The following SRSF5 variants were observed in gnomAD, a reference collection of about 807,000 sequenced individuals.
SRSF5 encodes serine/arginine-rich splicing factor 5.
A neutral mutation model predicts 34.0 loss-of-function variants in SRSF5; 5 were observed. The observed-to-expected ratio is 0.15, with a 90% confidence interval of 0.08 to 0.31. SRSF5 has a LOEUF of 0.31. Ranked by LOEUF, SRSF5 falls within the 10% of genes least tolerant of loss-of-function variation. The probability of loss-of-function intolerance (pLI) is 1.00; values close to 1 mark genes in which losing one functional copy is unlikely to be tolerated. For synonymous variants in SRSF5, 164 were observed against 117.7 expected, an observed-to-expected ratio of 1.39 and a Z score of -2.55; for missense variants, 223 against 351.4, an observed-to-expected ratio of 0.63 and a Z score of 2.92.
At chr14:69,769,926 C>T (rs1373336522) in intron 5 of SRSF5, 7 of 1,094,756 alleles carry the variant, frequency 6.4e-6, no homozygotes, top group Non-Finnish European at 7.8e-6. Context: ...AGGCTTCCAT[C>T]GATTGGGTAG....
At chr14:69,769,786 A>G in intron 5 of SRSF5, 1 of 1,353,812 alleles carries the variant, frequency 7.4e-7, no homozygotes, top group Non-Finnish European at 9.5e-7. Flanking sequence ...CCGGTCGAAA[A>G]GAGTTGAAAG....
chr14:69,767,668 C>G (rs1019069607), intron 1 of SRSF5: 3 of 368,670 alleles, frequency 8.1e-6, no homozygotes, highest in African/African-American at 6.4e-5. Flanking sequence ...GCCTTTGATT[C>G]CACCGCCGCC....
At position 69,768,681 on chromosome 14, in the gene SRSF5, T is replaced by G. The variant is rs1289487551; in HGVS notation, c.197+7T>G. ...AAGAACTCTGTAGTGAAAGGTGAGA[T>G]TCCTGTGTAACTAGATAACCCTGGG... is the stretch of plus-strand genomic sequence containing the variant. On this transcript the variant is annotated splice_region_variant and intron_variant, in intron 3 of 7. Coordinates refer to ENST00000557154, the MANE Select transcript of SRSF5 (RefSeq NM_001320214.2). The G allele has an allele frequency of 6.2e-7, 1 of 1,613,926 alleles. No individual in the cohort carries two copies. The highest frequency in any genetic ancestry group is 1.3e-5 in the African/African-American group (1 of 74,932).
intron 4 of SRSF5, 122 bp from the exon 5 acceptor site, chr14:69,769,060 A>C: frequency 4.5e-6 from 6 of 1,336,550 alleles, no homozygotes; most frequent in Non-Finnish European, 6.4e-6. Flanking sequence ...CATAGAACAC[A>C]AATCTATTGA....
In SRSF5 at chr14:69,771,860, C is replaced by T. The variant is rs1802832; in HGVS notation, c.*399C>T. On this transcript the variant is annotated 3_prime_UTR_variant, in exon 8 of 8. Transcript: ENST00000557154. ...TTAAACTAATTAATAGCTTTGGACACTTAAAAGAGCTCTAAATTTGCTTGT... is the reference window on the plus strand; with the variant it reads ...TTAAACTAATTAATAGCTTTGGACATTTAAAAGAGCTCTAAATTTGCTTGT... 1 of 174,510 alleles carries T rather than the reference C, an allele frequency of 5.7e-6. No homozygotes were observed. The highest frequency in any genetic ancestry group is 1.2e-5 in the Non-Finnish European group (1 of 81,440). The allele number at this position is 174,510 out of a possible 1,614,324, so 10.8% of individuals were successfully genotyped here.
intron 1 of SRSF5, 119 bp downstream of exon 1, chr14:69,767,374 A>G: frequency 2.2e-6 from 1 of 455,464 alleles, no homozygotes; most frequent in South Asian, 1.5e-5. Flanking sequence ...AGCGCAGTTG[A>G]TTCGAGGTGG....
chr14:69,768,058 G>T, intron 1 of SRSF5, 80 bp from the exon 2 acceptor site: 1 of 1,492,254 alleles, frequency 6.7e-7, no homozygotes, highest in Non-Finnish European at 9.2e-7. Context: ...ATTTTATGCC[G>T]TTGATGTTTT....
At chr14:69,768,021 T>G (rs1026770673) in intron 1 of SRSF5, 117 bp from the exon 2 acceptor site, 3 of 1,187,648 alleles carry the variant, frequency 2.5e-6, no homozygotes, top group Non-Finnish European at 2.4e-6. Context: ...CTGTTGGCAA[T>G]CTCGTTCATA....
Position 69,771,182 on chromosome 14 carries a change from C to A in SRSF5, c.552-12C>A. The A allele has an allele frequency of 6.2e-7, 1 of 1,613,734 alleles. No homozygotes were observed. The highest frequency in any genetic ancestry group is 8.5e-7 in the Non-Finnish European group (1 of 1,179,816). ...AGTCTTATCTAGGCTGATTTCTTTT[C>A]ATTTTTCATAGTAGGTCAAGAAGCA... On this transcript the variant is annotated splice_polypyrimidine_tract_variant and intron_variant, in intron 7 of 7. Coordinates refer to ENST00000557154, the MANE Select transcript of SRSF5 (RefSeq NM_001320214.2).
At chr14:69,769,332 T>A in intron 5 of SRSF5, 81 bp downstream of exon 5, 1 of 1,562,400 alleles carries the variant, frequency 6.4e-7, no homozygotes. Context: ...TATTGTTTTA[T>A]TAAAAGTAGT....
At chr14:69,767,765 C>G in intron 1 of SRSF5, 1 of 351,690 alleles carries the variant, frequency 2.8e-6, no homozygotes, top group East Asian at 7.9e-5. Context: ...CCCGCTGTGA[C>G]GCGCCCGCGA....
Position 69,770,463 on chromosome 14 carries a change from T to C in SRSF5, c.367-4T>C. 6.2e-7 allele frequency: 1 copy of C among 1,613,902 alleles called. No individual in the cohort carries two copies. Among genetic ancestry groups the C allele is most frequent in the South Asian group, 1.1e-5 (1 of 91,000 alleles). ...TTTGCTTAACACAATTATCTTGTGTTAAGGATCTCAAAGATTTCATGAGAC... is the reference window on the plus strand; with the variant it reads ...TTTGCTTAACACAATTATCTTGTGTCAAGGATCTCAAAGATTTCATGAGAC... On this transcript the variant is annotated splice_region_variant and splice_polypyrimidine_tract_variant and intron_variant, in intron 5 of 7. Coordinates refer to ENST00000557154, the MANE Select transcript of SRSF5 (RefSeq NM_001320214.2).
chr14:69,768,823 C>A lies in SRSF5; in HGVS notation c.223C>A (p.Arg75=). The change falls in exon 4 of 8, where the codon CGG becomes AGG. Residue 75 remains arginine, a synonymous_variant. Coordinates refer to ENST00000557154, the MANE Select transcript of SRSF5 (RefSeq NM_001320214.2). The stretch of plus-strand genomic sequence containing the variant: ...GGTTACTATTGAACATGCTAGGGCT[C>A]GGTCACGAGGTGGAAGAGGTAGAGG... ...ERVTIEHARA[R]SRGGRGRGRY... is the part of the protein sequence containing the mutation. The A allele has an allele frequency of 6.2e-7, 1 of 1,614,120 alleles. No homozygotes were observed. The highest frequency in any genetic ancestry group is 8.5e-7 in the Non-Finnish European group (1 of 1,180,018).
At chr14:69,768,580 A>G in intron 2 of SRSF5, 24 bp from the exon 3 acceptor site, 1 of 1,609,712 alleles carries the variant, frequency 6.2e-7, no homozygotes, top group Non-Finnish European at 8.5e-7. Context: ...AGCCAATGTT[A>G]AGAGTCTTAT....
In SRSF5 at chr14:69,768,550, G is replaced by A. The variant is rs1347988930; in HGVS notation, c.127-54G>A. 9 of 1,534,538 alleles carry A rather than the reference G, an allele frequency of 5.9e-6. No homozygotes were observed. The Admixed American group carries it at 1.0e-4, about 17-fold the overall frequency. ...CTCCTGATTTCAGTGCTCTTAATGT[G>A]TTGTAGAATACTCTTCTAAAGCCAA... On this transcript the variant is annotated intron_variant, in intron 2 of 7. Transcript: ENST00000557154.
intron 5 of SRSF5, chr14:69,769,557 C>G: frequency 1.3e-6 from 2 of 1,535,358 alleles, no homozygotes; most frequent in Non-Finnish European, 1.7e-6. Flanking sequence ...TGTGGGTTAT[C>G]CTAATCGTTG....
chr14:69,769,561 A>T, intron 5 of SRSF5: 1 of 1,535,268 alleles, frequency 6.5e-7, no homozygotes, highest in Non-Finnish European at 8.7e-7. Flanking sequence ...GGTTATCCTA[A>T]TCGTTGTCTT....
At chr14:69,769,911 A>G (rs772537811) in intron 5 of SRSF5, 17 of 1,120,332 alleles carry the variant, frequency 1.5e-5, no homozygotes, top group Non-Finnish European at 1.9e-5. Flanking sequence ...GGGCTGTGCG[A>G]TTAAAGGCTT....
chr14:69,768,498 G>A, intron 2 of SRSF5, 106 bp from the exon 3 acceptor site: 2 of 1,276,492 alleles, frequency 1.6e-6, no homozygotes, highest in Non-Finnish European at 2.3e-6. Flanking sequence ...GTATGGCAGT[G>A]TCGTTAAGAT....
Sources: allele counts gnomAD v4.1 joint callset, GRCh38; gene constraint gnomAD v4.1.1; transcripts MANE v1.5; gene names NCBI Gene and HGNC (gene_info 2026-07-23, HGNC 2026-07-21).